SLC24A2: variants seen among roughly 807,000 people sequenced by gnomAD.
SLC24A2 encodes the protein solute carrier family 24 member 2.
A neutral mutation model predicts 62.0 loss-of-function variants in SLC24A2; 36 were observed. The observed-to-expected ratio is 0.58, with a 90% CI of 0.44 to 0.77. The LOEUF is 0.77. SLC24A2 is among the 30% of genes least tolerant of loss of function. The pLI, the probability that SLC24A2 is intolerant of heterozygous loss-of-function variation, is 0.00. For missense variants in SLC24A2, 846 were observed against 817.9 expected, an observed-to-expected ratio of 1.03 and a Z score of -0.42; for synonymous variants, 358 against 294.0, an observed-to-expected ratio of 1.22 and a Z score of -2.23.
At chr9:19,850,949 AT>A in the SLC24A2 span, among the ~76,000 whole-genome samples, 1 of 39,536 alleles carries the variant, frequency 2.5e-5, no homozygotes, top group Non-Finnish European at 5.1e-5. Flanking sequence ...ATATATACAT[AT>A]ATATATATAT....
chr9:19,528,177 A>C (rs1563934274), intron 8 of SLC24A2, 39 bp from the exon 9 acceptor site: 1 of 1,313,478 alleles, frequency 7.6e-7, no homozygotes, highest in Non-Finnish European at 1.1e-6. Flanking sequence ...TATCAGTGTT[A>C]TCCATTGAGA....
intron 8 of SLC24A2, among the ~76,000 whole-genome samples, chr9:19,544,021 A>T (rs1331404597): frequency 6.6e-6 from 1 of 152,136 alleles, no homozygotes; most frequent in East Asian, 1.9e-4. Context: ...TCTAATATTG[A>T]CAGTGGGGTA....
chr9:19,899,152 C>T, the SLC24A2 span, among the ~76,000 whole-genome samples: 4 of 152,186 alleles, frequency 2.6e-5, no homozygotes, highest in Non-Finnish European at 5.9e-5. Flanking sequence ...TCTTCTAAGT[C>T]AAAGTCTCAT....
chr9:19,744,854 T>C (rs967715450), intron 2 of SLC24A2, among the ~76,000 whole-genome samples: 1 of 152,198 alleles, frequency 6.6e-6, no homozygotes, highest in African/African-American at 2.4e-5. Flanking sequence ...CCTGTAACTA[T>C]TGGCTTCTTT....
At chr9:20,091,840 C>T in the SLC24A2 span, among the ~76,000 whole-genome samples, 1 of 152,124 alleles carries the variant, frequency 6.6e-6, no homozygotes, top group Non-Finnish European at 1.5e-5. Flanking sequence ...TGGAATCAAC[C>T]TAAATGACCA....
the SLC24A2 span, among the ~76,000 whole-genome samples, chr9:20,051,094 G>C: frequency 6.6e-6 from 1 of 152,038 alleles, no homozygotes; most frequent in Admixed American, 6.6e-5. Context: ...AAGATTGTCA[G>C]ACTAGATAAA....
chr9:19,929,869 T>C, the SLC24A2 span: 1 of 152,176 alleles, frequency 6.6e-6, no homozygotes, highest in African/African-American at 2.4e-5. Flanking sequence ...ATGTACATGT[T>C]TGTGTCTTGG....
intron 4 of SLC24A2, among the ~76,000 whole-genome samples, chr9:19,608,622 T>G (rs1837056049): frequency 6.6e-6 from 1 of 152,172 alleles, no homozygotes; most frequent in Non-Finnish European, 1.5e-5. Flanking sequence ...AACATGCATA[T>G]GACTTCCCAT....
At chr9:20,289,094 C>T in the SLC24A2 span, among the ~76,000 whole-genome samples, 2 of 152,110 alleles carry the variant, frequency 1.3e-5, no homozygotes, top group Non-Finnish European at 2.9e-5. Flanking sequence ...GCAACCTGTC[C>T]CTACAGAGCC....
chr9:19,857,840 G>C, the SLC24A2 span, among the ~76,000 whole-genome samples: 1 of 151,112 alleles, frequency 6.6e-6, no homozygotes, highest in African/African-American at 2.4e-5. Flanking sequence ...GTACTATTTC[G>C]TCCTTTGCAG....
chr9:19,530,143 C>A (rs1377213676), intron 8 of SLC24A2, among the ~76,000 whole-genome samples: 1 of 149,090 alleles, frequency 6.7e-6, no homozygotes, highest in Non-Finnish European at 1.5e-5. Flanking sequence ...TTCCCTGAGC[C>A]AGTGCTAAGA....
Position 19,599,110 on chromosome 9 carries a change from C to T in SLC24A2, c.1079-1831G>A, listed in dbSNP as rs1258261455. 6.6e-6 allele frequency among the ~76,000 whole-genome samples: 1 copy of T among 152,154 alleles called. No individual in the cohort carries two copies. Among genetic ancestry groups the T allele is most frequent in the African/African-American group, 2.4e-5 (1 of 41,438 alleles). On this transcript the variant is annotated intron_variant, in intron 4 of 10. Transcript: ENST00000341998. This position sits in a 1 kb window ranked among gnomAD's most constrained non-coding sequence, Gnocchi z 4.5. ...ACACACTTATTTTCACATATCAATC[C>T]CAACTTTCAAATATCTGCTTGTGGC...
chr9:19,928,379 G>C, the SLC24A2 span: 39,356 of 152,148 alleles, frequency 0.26, 5,564 homozygotes, highest in South Asian at 0.36. Flanking sequence ...GGTGGAAGGA[G>C]AGGTTTCTGG....
intron 5 of SLC24A2, among the ~76,000 whole-genome samples, 181 bp from the exon 6 acceptor site, chr9:19,577,203 C>T (rs1836044583): frequency 6.6e-6 from 1 of 152,158 alleles, no homozygotes; most frequent in Non-Finnish European, 1.5e-5. Flanking sequence ...GATTTTTCAG[C>T]CCAATTCTCT....
chr9:19,896,060 G>A, the SLC24A2 span: 17 of 1,138,518 alleles, frequency 1.5e-5, no homozygotes, highest in Non-Finnish European at 2.2e-5. Flanking sequence ...TGCCTTGCTG[G>A]ACTGGATCGA....
At chr9:20,043,768 T>C in the SLC24A2 span, among the ~76,000 whole-genome samples, 1 of 152,214 alleles carries the variant, frequency 6.6e-6, no homozygotes, top group Admixed American at 6.5e-5. Flanking sequence ...TTTATTGAGA[T>C]GCAATATGCT....
At chr9:19,957,176 A>G in the SLC24A2 span, among the ~76,000 whole-genome samples, 1 of 152,230 alleles carries the variant, frequency 6.6e-6, no homozygotes, top group Non-Finnish European at 1.5e-5. Flanking sequence ...AAATTAAAGC[A>G]GTACAAATGA....
chr9:19,547,784 C>T (rs1481210929), intron 8 of SLC24A2, among the ~76,000 whole-genome samples: 1 of 151,488 alleles, frequency 6.6e-6, no homozygotes, highest in African/African-American at 2.5e-5. Flanking sequence ...TGATTTTCCT[C>T]CCTAGGGCCA....
intron 5 of SLC24A2, among the ~76,000 whole-genome samples, chr9:19,578,086 G>A (rs1450283836): frequency 6.6e-6 from 1 of 151,366 alleles, no homozygotes; most frequent in Admixed American, 6.6e-5. Context: ...GGGACTTGGG[G>A]GGAAGAGTGG....
Sources: gnomAD v4.1 joint callset for allele counts (sites outside exome capture counted in the v4.1 genomes callset) on GRCh38, gnomAD v4.1.1 for gene constraint, Gnocchi (gnomAD v3.1) non-coding constraint, MANE v1.5 for transcripts, NCBI Gene and HGNC (gene_info 2026-07-23, HGNC 2026-07-21) for gene names.